Variants in ZBTB44 observed in about 807,000 individuals in gnomAD.
ZBTB44 encodes zinc finger and BTB domain-containing protein 44.
ZBTB44 carries 15 observed loss-of-function variants against 54.0 expected under a neutral mutation model. The observed-to-expected ratio is 0.28, with a 90% CI of 0.19 to 0.43. The LOEUF is 0.43. Ranked by LOEUF, ZBTB44 falls within the 20% of genes least tolerant of loss-of-function variation. The pLI is 1.00. For missense variants in ZBTB44, 487 were observed against 707.1 expected (o/e 0.69, Z 3.53); for synonymous variants, 230 against 250.1 (o/e 0.92, Z 0.76).
chr11:130,254,863 G>A (rs991097014), intron 2 of ZBTB44, among the ~76,000 whole-genome samples: 4 of 152,062 alleles, frequency 2.6e-5, no homozygotes, highest in Admixed American at 2.6e-4. Flanking sequence ...AGAAAATGTG[G>A]CACATATACA....
chr11:130,296,414 T>C lies in ZBTB44; in HGVS notation c.-57+17961A>G, dbSNP rs1941650135. On this transcript the variant is annotated intron_variant, in intron 1 of 7. Coordinates refer to ENST00000357899, the MANE Select transcript of ZBTB44 (RefSeq NM_001301098.2). The stretch of plus-strand genomic sequence containing the variant: ...TTGATTTGCCCGTCTTGGCCATTCA[T>C]GGAAAGCAAAAGCAAAATAAATGTA... 6.1e-6 allele frequency: 9 copies of C among 1,482,284 alleles called. No homozygotes were observed. In the African/African-American group the frequency reaches 8.5e-5, roughly 14 times the overall value. 91.8% of individuals were successfully genotyped at this position (1,482,284 alleles called of 1,614,324 possible).
At chr11:130,245,426 C>T (rs1250110941) in intron 2 of ZBTB44, among the ~76,000 whole-genome samples, 1 of 152,144 alleles carries the variant, frequency 6.6e-6, no homozygotes, top group Non-Finnish European at 1.5e-5. Flanking sequence ...TCAATCAGTC[C>T]TGGGCTAAGA....
intron 1 of ZBTB44, among the ~76,000 whole-genome samples, chr11:130,279,221 A>G (rs1940331793): frequency 6.6e-6 from 1 of 151,100 alleles, no homozygotes; most frequent in Non-Finnish European, 1.5e-5. Context: ...ATTTTTGGGT[A>G]CGCCCACAGT....
intron 1 of ZBTB44, among the ~76,000 whole-genome samples, chr11:130,262,883 C>T (rs1007940893): frequency 2.0e-5 from 3 of 151,800 alleles, no homozygotes; most frequent in Non-Finnish European, 1.5e-5. Context: ...CATGGCAAAA[C>T]CCTGTCTCTA....
chr11:130,238,366 T>C, intron 4 of ZBTB44, 78 bp downstream of exon 4: 1 of 1,410,616 alleles, frequency 7.1e-7, no homozygotes, highest in South Asian at 1.6e-5. Flanking sequence ...GAAGCCCCTG[T>C]TTTCTATTTT....
At chr11:130,298,339 T>G (rs936833278) in intron 1 of ZBTB44, among the ~76,000 whole-genome samples, 1 of 151,968 alleles carries the variant, frequency 6.6e-6, no homozygotes, top group African/African-American at 2.4e-5. Context: ...AGACAGGGTT[T>G]CATTATGTTG....
At chr11:130,306,725 A>C (rs1016351714) in intron 1 of ZBTB44, among the ~76,000 whole-genome samples, 1 of 152,194 alleles carries the variant, frequency 6.6e-6, no homozygotes, top group African/African-American at 2.4e-5. Context: ...AACTGAATGA[A>C]ATACTGGCTT....
intron 1 of ZBTB44, among the ~76,000 whole-genome samples, chr11:130,314,090 C>CG (rs1942794008): frequency 1.3e-5 from 2 of 152,162 alleles, no homozygotes; most frequent in South Asian, 2.1e-4. Flanking sequence ...ACACTCCGGC[C>CG]GCTCCGGGTT....
intron 2 of ZBTB44, among the ~76,000 whole-genome samples, chr11:130,258,027 G>T (rs1938576589): frequency 6.6e-6 from 1 of 152,074 alleles, no homozygotes; most frequent in African/African-American, 2.4e-5. Flanking sequence ...CTCAAAACTG[G>T]ATTCCCACCA....
At chr11:130,294,004 T>C (rs984796511) in intron 1 of ZBTB44, among the ~76,000 whole-genome samples, 6 of 152,230 alleles carry the variant, frequency 3.9e-5, no homozygotes, top group African/African-American at 1.4e-4. Flanking sequence ...CAAGTCATGC[T>C]GATTGTTACT....
chr11:130,273,881 C>T (rs1939859351), intron 1 of ZBTB44, among the ~76,000 whole-genome samples: 1 of 151,696 alleles, frequency 6.6e-6, no homozygotes, highest in Admixed American at 6.6e-5. Context: ...CCAGCCTGGC[C>T]AACATGGAGA....
At chr11:130,259,234 A>G (rs1428842390) in intron 2 of ZBTB44, among the ~76,000 whole-genome samples, 5 of 152,208 alleles carry the variant, frequency 3.3e-5, no homozygotes, top group Non-Finnish European at 7.4e-5. Context: ...TTTAAATTTC[A>G]TATGGAAATT....
chr11:130,296,499 T>C (rs1941659954), intron 1 of ZBTB44: 2 of 951,126 alleles, frequency 2.1e-6, no homozygotes, highest in Non-Finnish European at 3.3e-6. Context: ...ACGGATGTGG[T>C]GGCAAGAGGA....
Position 130,239,914 on chromosome 11 carries a change from AG to A in ZBTB44, c.1019-19del. 1 of 1,590,686 alleles carries A rather than the reference AG, an allele frequency of 6.3e-7. No homozygotes were observed. Among genetic ancestry groups the A allele is most frequent in the Non-Finnish European group, 8.6e-7 (1 of 1,163,018 alleles). On this transcript the variant is annotated intron_variant, in intron 2 of 7. Coordinates refer to ENST00000357899, the MANE Select transcript of ZBTB44 (RefSeq NM_001301098.2). ...TACTGAGCCTGTGAATAAGAGAAAG[AG>A]GACCACTGTAATCCTTTGGTGTGAA...
At chr11:130,271,265 A>T (rs1939647832) in intron 1 of ZBTB44, among the ~76,000 whole-genome samples, 1 of 152,216 alleles carries the variant, frequency 6.6e-6, no homozygotes, top group African/African-American at 2.4e-5. Flanking sequence ...ATGAAATGAT[A>T]ATGTACTTAA....
chr11:130,300,692 C>T (rs1941941017), intron 1 of ZBTB44, among the ~76,000 whole-genome samples: 1 of 152,088 alleles, frequency 6.6e-6, no homozygotes, highest in South Asian at 2.1e-4. Context: ...GCTGACTGGT[C>T]AAATAAGATA....
At chr11:130,296,185 G>GA (rs1229927906) in intron 1 of ZBTB44, 12 of 1,329,148 alleles carry the variant, frequency 9.0e-6, no homozygotes, top group Non-Finnish European at 1.3e-5. Context: ...GGATTTCTCT[G>GA]AAAAAAGGAG....
At chr11:130,308,161 C>G (rs140677509) in intron 1 of ZBTB44, among the ~76,000 whole-genome samples, 73 of 152,296 alleles carry the variant, frequency 4.8e-4, no homozygotes, top group African/African-American at 1.7e-3. Flanking sequence ...CTAGGAGCAA[C>G]AGGCTATACC....
At chr11:130,296,620 T>G (rs998578283) in intron 1 of ZBTB44, 2 of 887,468 alleles carry the variant, frequency 2.3e-6, no homozygotes, top group Non-Finnish European at 3.8e-6. Flanking sequence ...GGAGAAGACA[T>G]GCCTTGCCCA....
Sources: gnomAD v4.1 joint callset for allele counts (sites outside exome capture counted in the v4.1 genomes callset) on GRCh38, gnomAD v4.1.1 for gene constraint, MANE v1.5 for transcripts, NCBI Gene and HGNC (gene_info 2026-07-23, HGNC 2026-07-21) for gene names.